The following KARS1 variants were observed in gnomAD, a reference collection of about 807,000 sequenced individuals.
KARS1 encodes lysine--tRNA ligase.
Under a neutral mutation model 63.9 loss-of-function variants are expected in KARS1, and 50 were observed. The ratio of observed to expected loss-of-function variants is 0.78; its 90% CI spans 0.62 to 0.99. The LOEUF (loss-of-function observed/expected upper bound fraction) is 0.99, where lower values mean the gene tolerates loss of function less well. KARS1 is among the 50% of genes least tolerant of loss of function. The probability of loss-of-function intolerance (pLI) is 0.00; values close to 1 mark genes in which losing one functional copy is unlikely to be tolerated. For synonymous variants in KARS1, 320 were observed against 264.6 expected (o/e 1.21, Z -2.03); for missense variants, 816 against 754.5 (o/e 1.08, Z -0.95).
chr16:75,629,414 C>T lies in KARS1; in HGVS notation c.1551+1G>A. On this transcript the variant is annotated splice_donor_variant, in intron 12 of 13. Coordinates refer to ENST00000302445, the MANE Select transcript of KARS1 (RefSeq NM_005548.3). LOFTEE classifies it high-confidence loss of function. ...CTTCTGCTCACAGTCCCCTTTCTCA[C>T]CTTGGCCTGTTCTTCAAAAAGCTGC... 3 of 1,613,986 alleles carry T rather than the reference C, an allele frequency of 1.9e-6. No individual in the cohort carries two copies. Among genetic ancestry groups the T allele is most frequent in the Admixed American group, 1.7e-5 (1 of 60,026 alleles).
intron 1 of KARS1, among the ~76,000 whole-genome samples, chr16:75,645,148 T>C (rs1023900103): frequency 4.6e-5 from 7 of 152,198 alleles, no homozygotes; most frequent in Admixed American, 2.0e-4. Context: ...TGGTGCTTAC[T>C]AAAAATTTCA....
In KARS1 at chr16:75,632,185, C is replaced by T. The variant is rs187067930; in HGVS notation, c.916-330G>A. 3.6e-3 allele frequency among the ~76,000 whole-genome samples: 544 copies of T among 152,232 alleles called. 4 individuals are homozygous for T. Among genetic ancestry groups the T allele is most frequent in the Non-Finnish European group, 3.9e-3 (268 of 68,028 alleles). On this transcript the variant is annotated intron_variant, in intron 7 of 13. Transcript: ENST00000302445. ...GATTACAGGCATGAGCCACCGCGCC[C>T]GGCCCCATGACAGCTAATCTTGTAT...
intron 5 of KARS1, 41 bp downstream of exon 5, chr16:75,635,867 AACAG>A (rs2082155695): frequency 1.2e-6 from 2 of 1,614,096 alleles, no homozygotes; most frequent in Non-Finnish European, 1.7e-6. Context: ...TGATAAAACA[AACAG>A]AAAGCTAGGA....
intron 1 of KARS1, chr16:75,644,194 AAGACTTAGCC>A (rs768305958): frequency 8.2e-4 from 1,006 of 1,233,888 alleles, no homozygotes; most frequent in Non-Finnish European, 1.1e-3. Context: ...AACAAGTCCA[AAGACTTAGCC>A]AGAGGCTTAA....
At chr16:75,639,397 C>G (rs1362793990) in intron 3 of KARS1, among the ~76,000 whole-genome samples, 2 of 151,622 alleles carry the variant, frequency 1.3e-5, no homozygotes, top group Non-Finnish European at 2.9e-5. Context: ...TATGGCGAAG[C>G]CCCATCTCTA....
chr16:75,641,556 G>A lies in KARS1; in HGVS notation c.222+8C>T. On this transcript the variant is annotated splice_region_variant and intron_variant, in intron 2 of 13. Transcript: ENST00000302445. ...TGCCCAACCATGCTGGTGGCCCAGG[G>A]AACTCACATTTGGGTCCACGCTCTC... The A allele has an allele frequency of 6.2e-7, 1 of 1,612,396 alleles. No individual in the cohort carries two copies. The highest frequency in any genetic ancestry group is 8.5e-7 in the Non-Finnish European group (1 of 1,179,160).
chr16:75,631,516 A>C lies in KARS1; in HGVS notation c.1152T>G (p.Asp384Glu). The change falls in exon 9 of 14, where the codon GAT becomes GAG. Residue 384 changes from aspartate (D) to glutamate (E), a missense_variant. By Grantham distance (45) the Asp-to-Glu change is conservative (BLOSUM62 2). Transcript: ENST00000302445. ...HPDGPEGQAY[D>E]VDFTPPFRRI... Reference sequence around the variant, plus strand: ...GCCGGAAGGGTGGGGTGAAGTCAACATCGTAGGCTTGGCCCTCTGGGCCAT... The same window carrying C: ...GCCGGAAGGGTGGGGTGAAGTCAACCTCGTAGGCTTGGCCCTCTGGGCCAT... 6.2e-7 allele frequency: 1 copy of C among 1,614,152 alleles called. No individual in the cohort carries two copies. Among genetic ancestry groups the C allele is most frequent in the Non-Finnish European group, 8.5e-7 (1 of 1,180,000 alleles).
chr16:75,634,933 T>C (rs796618095), intron 6 of KARS1, among the ~76,000 whole-genome samples: 2 of 152,356 alleles, frequency 1.3e-5, no homozygotes, highest in African/African-American at 4.8e-5. Context: ...TTATCTCAAC[T>C]GATTGTTTAA....
At chr16:75,639,215 G>A (rs2082196295) in intron 3 of KARS1, among the ~76,000 whole-genome samples, 1 of 152,100 alleles carries the variant, frequency 6.6e-6, no homozygotes, top group Non-Finnish European at 1.5e-5. Context: ...ATACACAGAT[G>A]TGAAAAGATC....
At chr16:75,628,028 A>G in intron 13 of KARS1, 35 bp from the exon 14 acceptor site, 2 of 1,254,170 alleles carry the variant, frequency 1.6e-6, no homozygotes, top group Non-Finnish European at 2.3e-6. Context: ...GAAGCTGAGA[A>G]GCACTCTCAA....
At chr16:75,640,542 A>G (rs2082212972) in intron 2 of KARS1, among the ~76,000 whole-genome samples, 193 bp from the exon 3 acceptor site, 1 of 152,254 alleles carries the variant, frequency 6.6e-6, no homozygotes, top group South Asian at 2.1e-4. Context: ...GCCAGAGGCC[A>G]GCATTTCAAA....
chr16:75,639,403 C>T (rs1370502473), intron 3 of KARS1, among the ~76,000 whole-genome samples: 2 of 151,666 alleles, frequency 1.3e-5, no homozygotes, highest in African/African-American at 4.8e-5. Flanking sequence ...GAAGCCCCAT[C>T]TCTACTAAAA....
At chr16:75,632,382 C>T (rs1350484674) in intron 7 of KARS1, among the ~76,000 whole-genome samples, 1 of 152,206 alleles carries the variant, frequency 6.6e-6, no homozygotes, top group East Asian at 1.9e-4. Flanking sequence ...CTCTTCCTGT[C>T]TTGGGCATCC....
chr16:75,631,811 G>A lies in KARS1; in HGVS notation c.960C>T (p.Arg320=). Residue 320 remains arginine (R), a synonymous_variant, in exon 8 of 14, where the codon CGC becomes CGT. Transcript: ENST00000302445. ...AATCAATCCCCTCATTCCGGAACTGGCGTCCAATTTCATAAACCCGGTCGA... is the reference window on the plus strand; with the variant it reads ...AATCAATCCCCTCATTCCGGAACTGACGTCCAATTTCATAAACCCGGTCGA... The part of the protein sequence containing the change: ...GGIDRVYEIG[R]QFRNEGIDLT... 6.2e-7 allele frequency: 1 copy of A among 1,614,132 alleles called. No homozygotes were observed. Among genetic ancestry groups the A allele is most frequent in the Non-Finnish European group, 8.5e-7 (1 of 1,180,028 alleles).
chr16:75,633,755 G>A (rs968812537), intron 7 of KARS1, among the ~76,000 whole-genome samples: 17 of 152,178 alleles, frequency 1.1e-4, no homozygotes. Context: ...GACCTCAAGT[G>A]ATCCATCCGC....
rs2082302643 is a variant in KARS1, at chr16:75,647,528, GC to G, written c.62+49del. On this transcript the variant is annotated intron_variant, in intron 1 of 13. Transcript: ENST00000302445. The stretch of plus-strand genomic sequence containing the variant: ...GGTGGGAACCTCGCGGCGCTTCCCA[GC>G]CCAGACTCTCCTACCGCAAAGGCTT... 7 of 1,566,932 alleles carry G rather than the reference GC, an allele frequency of 4.5e-6. No homozygotes were observed. The East Asian group carries it at 1.4e-4, about 31-fold the overall frequency.
chr16:75,629,625 A>G, intron 11 of KARS1, 84 bp from the exon 12 acceptor site: 10 of 1,423,054 alleles, frequency 7.0e-6, no homozygotes, highest in Non-Finnish European at 9.7e-6. Context: ...TTTGAGACGG[A>G]GTCTCGCTCT....
intron 7 of KARS1, among the ~76,000 whole-genome samples, 156 bp from the exon 8 acceptor site, chr16:75,632,011 C>T (rs2082120450): frequency 6.6e-6 from 1 of 152,160 alleles, no homozygotes; most frequent in African/African-American, 2.4e-5. Context: ...CCCCAGCCTC[C>T]CTAGTAGCTG....
At chr16:75,629,030 C>A (rs530962337) in intron 12 of KARS1, 2 of 473,010 alleles carry the variant, frequency 4.2e-6, no homozygotes, top group African/African-American at 3.9e-5. Flanking sequence ...GTCTTTCTCC[C>A]ATTTCCTGAA....
Sources: allele counts gnomAD v4.1 joint callset (sites outside exome capture counted in the v4.1 genomes callset), GRCh38; gene constraint gnomAD v4.1.1; transcripts MANE v1.5; gene names NCBI Gene and HGNC (gene_info 2026-07-23, HGNC 2026-07-21).